Variants in SNTG1 observed in about 807,000 individuals in gnomAD.
The protein encoded by SNTG1 is syntrophin gamma 1.
Under a neutral mutation model 74.7 loss-of-function variants are expected in SNTG1, and 39 were observed. The observed-to-expected ratio is 0.52, with a 90% CI of 0.40 to 0.68. The LOEUF (loss-of-function observed/expected upper bound fraction) is 0.68, where lower values mean the gene tolerates loss of function less well. Ranked by LOEUF, SNTG1 falls within the 30% of genes least tolerant of loss-of-function variation. SNTG1 has a pLI of 0.00. For synonymous variants in SNTG1, 254 were observed against 217.1 expected (o/e 1.17, Z -1.49); for missense variants, 685 against 609.5 (o/e 1.12, Z -1.30).
rs566872855 is a variant in SNTG1, at chr8:49,942,088, C to T, written c.-103+29857C>T. ...AGGGTACGCTAAATATAGACTAGGACAGACCTGCCTTTTCAATCTGAACAT... is the reference window on the plus strand; with the variant it reads ...AGGGTACGCTAAATATAGACTAGGATAGACCTGCCTTTTCAATCTGAACAT... On this transcript the variant is annotated intron_variant, in intron 1 of 18. Transcript: ENST00000642720. Among the ~76,000 whole-genome samples, 65 of 152,212 alleles carry T rather than the reference C, an allele frequency of 4.3e-4. 1 individual carries two copies. Among genetic ancestry groups the T allele is most frequent in the Middle Eastern group, 3.4e-3 (1 of 292 alleles).
intron 18 of SNTG1, among the ~76,000 whole-genome samples, chr8:50,775,724 T>C (rs2095638959): frequency 6.6e-6 from 1 of 151,746 alleles, no homozygotes; most frequent in African/African-American, 2.4e-5. Flanking sequence ...AAGTCTTCAA[T>C]GTAATTGTGT....
intron 8 of SNTG1, among the ~76,000 whole-genome samples, chr8:50,462,756 A>G (rs2093575227): frequency 7.6e-6 from 1 of 132,264 alleles, no homozygotes; most frequent in South Asian, 2.4e-4. Context: ...ATGTGTTTTC[A>G]TGACGTGGCA....
chr8:50,331,590 G>A (rs1413689927), intron 2 of SNTG1, among the ~76,000 whole-genome samples: 2 of 152,106 alleles, frequency 1.3e-5, no homozygotes, highest in South Asian at 2.1e-4. Context: ...CAATATTCAA[G>A]CATAGTCTTG....
intron 2 of SNTG1, among the ~76,000 whole-genome samples, chr8:50,258,505 T>C (rs1175587707): frequency 2.0e-5 from 3 of 152,120 alleles, no homozygotes; most frequent in African/African-American, 7.2e-5. Context: ...TGTAAAAATA[T>C]TCAAACATTT....
rs1301657123 is a variant in SNTG1 at position 50,590,896 on chromosome 8, A to C, written c.828A>C (p.Arg276Ser). ...CATTGCAGATTAAAAAAATCAACAG[A>C]AACTTTCCTGTAAACCAGCAGGTAA... Reference protein sequence around the residue: ...LTKHNIKKINRNFPVNQQIVY... With the variant: ...LTKHNIKKINSNFPVNQQIVY... Residue 276 changes from arginine (R) to serine (S), a missense_variant, in exon 13 of 19, where the codon AGA (arginine) becomes AGC (serine). Physicochemically the swap from Arg to Ser is moderately radical, Grantham distance 110. Transcript: ENST00000642720. 2.5e-6 allele frequency: 4 copies of C among 1,572,410 alleles called. No homozygotes were observed. In the African/African-American group the frequency reaches 5.5e-5, roughly 21 times the overall value.
intron 1 of SNTG1, among the ~76,000 whole-genome samples, chr8:49,982,561 TG>T (rs1211648130): frequency 6.7e-6 from 1 of 148,776 alleles, no homozygotes. Context: ...CATCAGGTGC[TG>T]TGGCTCGTGT....
At chr8:50,407,561 G>T (rs1051450061) in intron 4 of SNTG1, among the ~76,000 whole-genome samples, 16 of 152,180 alleles carry the variant, frequency 1.1e-4, no homozygotes, top group Admixed American at 3.3e-4. Context: ...TATCACATTA[G>T]CTGAAAGCTG....
At chr8:50,443,628 C>A (rs1012341439) in intron 5 of SNTG1, among the ~76,000 whole-genome samples, 3 of 152,100 alleles carry the variant, frequency 2.0e-5, no homozygotes, top group African/African-American at 4.8e-5. Flanking sequence ...CTTCCACAGA[C>A]AATGAGATTA....
chr8:50,439,588 G>A lies in SNTG1; in HGVS notation c.219+989G>A, dbSNP rs574193886. Reference sequence around the variant, plus strand: ...CTTCAAAACATATTTTGTACATTCAGTTTATCAAAGTGAAACTTTATCTTA... The same window carrying A: ...CTTCAAAACATATTTTGTACATTCAATTTATCAAAGTGAAACTTTATCTTA... On this transcript the variant is annotated intron_variant, in intron 5 of 18. Transcript: ENST00000642720. 1.1e-4 allele frequency among the ~76,000 whole-genome samples: 17 copies of A among 152,018 alleles called. No individual in the cohort carries two copies. In the South Asian group the frequency reaches 3.3e-3, roughly 30 times the overall value.
intron 2 of SNTG1, among the ~76,000 whole-genome samples, chr8:50,345,615 G>T (rs1003063722): frequency 6.6e-6 from 1 of 152,156 alleles, no homozygotes; most frequent in Admixed American, 6.6e-5. Context: ...TGCCATAATT[G>T]CATTAATCTC....
chr8:50,330,564 A>C (rs1460755562), intron 2 of SNTG1, among the ~76,000 whole-genome samples: 1 of 152,170 alleles, frequency 6.6e-6, no homozygotes, highest in Admixed American at 6.5e-5. Flanking sequence ...CTACAATTTC[A>C]GGTTATCTTT....
Position 50,201,784 on chromosome 8 carries a change from G to T in SNTG1, c.-28+29149G>T, listed in dbSNP as rs539024878. Reference sequence around the variant, plus strand: ...TAAATATTTTTGTATATATCCATTTGTATCTATATTCAGCTAAACATGAAT... The same window carrying T: ...TAAATATTTTTGTATATATCCATTTTTATCTATATTCAGCTAAACATGAAT... On this transcript the variant is annotated intron_variant, in intron 2 of 18. Transcript: ENST00000642720. Among the ~76,000 whole-genome samples the T allele has an allele frequency of 2.6e-5, 4 of 152,052 alleles. No homozygotes were observed. In the South Asian group the frequency reaches 8.3e-4, roughly 32 times the overall value.
chr8:49,927,588 T>G (rs1807141875), intron 1 of SNTG1, among the ~76,000 whole-genome samples: 1 of 152,166 alleles, frequency 6.6e-6, no homozygotes, highest in African/African-American at 2.4e-5. Flanking sequence ...TATTATATTA[T>G]TCCAACTATA....
intron 5 of SNTG1, among the ~76,000 whole-genome samples, chr8:50,448,588 T>C (rs1364792885): frequency 6.6e-6 from 1 of 152,206 alleles, no homozygotes; most frequent in African/African-American, 2.4e-5. Flanking sequence ...ATGTACTGAT[T>C]TCATTTCTCT....
chr8:50,668,495 C>CATTATTATTATT (rs67860057), intron 15 of SNTG1, among the ~76,000 whole-genome samples: 1 of 145,300 alleles, frequency 6.9e-6, no homozygotes, highest in Non-Finnish European at 1.5e-5. Flanking sequence ...ATCTTTCGCA[C>CATTATTATTATT]ATTATTATTA....
At chr8:50,582,474 C>A in intron 12 of SNTG1, among the ~76,000 whole-genome samples, 1 of 151,952 alleles carries the variant, frequency 6.6e-6, no homozygotes. Context: ...ATCCTCTATA[C>A]TGATAGTATA....
intron 1 of SNTG1, among the ~76,000 whole-genome samples, chr8:49,917,046 T>A (rs1451051848): frequency 6.6e-6 from 1 of 151,674 alleles, no homozygotes; most frequent in Non-Finnish European, 1.5e-5. Context: ...AAATAATAAA[T>A]TTTATTTGAA....
chr8:50,763,856 AAC>A (rs59221694), intron 18 of SNTG1, among the ~76,000 whole-genome samples: 5,698 of 103,236 alleles, frequency 0.055, 228 homozygotes, highest in Middle Eastern at 0.09. Flanking sequence ...TTAATACAGA[AAC>A]ACACACACAC....
chr8:49,918,509 G>A (rs1447847332), intron 1 of SNTG1, among the ~76,000 whole-genome samples: 1 of 152,098 alleles, frequency 6.6e-6, no homozygotes, highest in Admixed American at 6.6e-5. Context: ...ACTCATATGT[G>A]TAAAAACAGA....
Sources: gnomAD v4.1 joint callset for allele counts (sites outside exome capture counted in the v4.1 genomes callset) on GRCh38, gnomAD v4.1.1 for gene constraint, MANE v1.5 for transcripts, NCBI Gene and HGNC (gene_info 2026-07-23, HGNC 2026-07-21) for gene names.